The following CHLSN variants were observed in gnomAD, a reference collection of about 807,000 sequenced individuals.
The protein encoded by CHLSN is protein cholesin.
chr7:995,208 TAG>T, the CHLSN span, among the ~76,000 whole-genome samples: 18 of 152,084 alleles, frequency 1.2e-4, no homozygotes, highest in Admixed American at 1.2e-3. Context: ...CTGCACGGGG[TAG>T]GGAGACCCCA....
chr7:1,084,874 CA>C, the CHLSN span, among the ~76,000 whole-genome samples: 1 of 152,248 alleles, frequency 6.6e-6, no homozygotes, highest in Non-Finnish European at 1.5e-5. Context: ...CCTGCAGAAT[CA>C]GGGGGACCCA....
At chr7:1,064,013 C>G in the CHLSN span, among the ~76,000 whole-genome samples, 9 of 152,178 alleles carry the variant, frequency 5.9e-5, no homozygotes, top group Non-Finnish European at 1.2e-4. Flanking sequence ...TAGCCACACT[C>G]AAAACTGGCA....
At chr7:1,020,992 T>C in the CHLSN span, among the ~76,000 whole-genome samples, 3 of 132,192 alleles carry the variant, frequency 2.3e-5, no homozygotes, top group South Asian at 4.5e-4. Flanking sequence ...TTCAGGCAGG[T>C]ACCTCCAGGC....
chr7:988,538 T>C, the CHLSN span: 1 of 1,597,474 alleles, frequency 6.3e-7, no homozygotes, highest in African/African-American at 1.3e-5. Flanking sequence ...AAGGCGGCTG[T>C]GGTGGCTGCT....
the CHLSN span, chr7:1,091,343 C>G: frequency 5.4e-6 from 1 of 184,126 alleles, no homozygotes; most frequent in South Asian, 1.6e-4. Flanking sequence ...GCCAGGGGAG[C>G]CAGGCCTTGT....
chr7:988,148 C>T, the CHLSN span: 1 of 1,174,692 alleles, frequency 8.5e-7, no homozygotes, highest in Non-Finnish European at 1.2e-6. Context: ...GGTGCCTCAC[C>T]TGCAAGGTGG....
chr7:1,087,145 G>C, the CHLSN span: 1 of 152,264 alleles, frequency 6.6e-6, no homozygotes, highest in African/African-American at 2.4e-5. Flanking sequence ...AGTCCGGGGA[G>C]GGAGGTTTAT....
At chr7:1,000,353 C>T in the CHLSN span, 1 of 907,836 alleles carries the variant, frequency 1.1e-6, no homozygotes, top group South Asian at 1.7e-5. Context: ...CACCTCAGCC[C>T]CCGGGAGACG....
the CHLSN span, among the ~76,000 whole-genome samples, chr7:1,009,471 A>G: frequency 5.0e-4 from 76 of 151,776 alleles, no homozygotes; most frequent in African/African-American, 1.8e-3. Flanking sequence ...CGCAGGCACC[A>G]TCCACCCAGC....
the CHLSN span, among the ~76,000 whole-genome samples, chr7:996,008 A>G: frequency 7.2e-5 from 11 of 152,206 alleles, no homozygotes; most frequent in African/African-American, 2.4e-4. Flanking sequence ...GTCCACATAG[A>G]GATGGCCTGA....
chr7:1,081,761 G>A, the CHLSN span, among the ~76,000 whole-genome samples: 2 of 100,344 alleles, frequency 2.0e-5, no homozygotes, highest in Admixed American at 1.8e-4. Flanking sequence ...ACTGCAGCCT[G>A]GGGGAGGGAC....
chr7:994,733 C>G, the CHLSN span, among the ~76,000 whole-genome samples: 1 of 152,236 alleles, frequency 6.6e-6, no homozygotes, highest in Admixed American at 6.5e-5. Context: ...GCCGCCGCAC[C>G]CGGCATGAGT....
chr7:1,096,450 G>A, the CHLSN span, among the ~76,000 whole-genome samples: 10 of 152,342 alleles, frequency 6.6e-5, no homozygotes, highest in Non-Finnish European at 4.4e-5. The surrounding 1 kb of genome is among the most constrained non-coding windows in gnomAD (Gnocchi z 4.6). Context: ...CCAGAGCTGG[G>A]AGCTGTAGGA....
chr7:986,967 G>C, the CHLSN span: 1 of 1,337,574 alleles, frequency 7.5e-7, no homozygotes, highest in African/African-American at 1.5e-5. Flanking sequence ...GGCATCCATA[G>C]TGCCTGCCTC....
At chr7:1,066,807 G>T in the CHLSN span, among the ~76,000 whole-genome samples, 16 of 152,360 alleles carry the variant, frequency 1.1e-4, no homozygotes, top group Admixed American at 9.8e-4. Flanking sequence ...TCTTCACAAA[G>T]GCTGGAGTGC....
the CHLSN span, among the ~76,000 whole-genome samples, chr7:1,041,016 G>C: frequency 6.6e-6 from 1 of 152,224 alleles, no homozygotes. Context: ...GTATGCTGGA[G>C]ACCCATCCTG....
the CHLSN span, among the ~76,000 whole-genome samples, chr7:1,059,638 AGTGAGGCAGGTCTTAGGGG>A: frequency 2.2e-5 from 1 of 45,192 alleles, no homozygotes; most frequent in Non-Finnish European, 4.1e-5. Context: ...GGCGGGTCTT[AGTGAGGCAGGTCTTAGGGG>A]GGCGGGTCCA....
chr7:1,125,251 AC>A, the CHLSN span, among the ~76,000 whole-genome samples: 291 of 152,216 alleles, frequency 1.9e-3, 1 homozygote, highest in African/African-American at 6.4e-3. Flanking sequence ...CCCTCCAAGC[AC>A]TGGCTGTGCC....
the CHLSN span, among the ~76,000 whole-genome samples, chr7:1,112,255 G>C: frequency 6.6e-6 from 1 of 152,214 alleles, no homozygotes; most frequent in Non-Finnish European, 1.5e-5. Flanking sequence ...TGGCAGTGAG[G>C]AAGGCCGGCG....
Sources: gnomAD v4.1 joint callset for allele counts (sites outside exome capture counted in the v4.1 genomes callset) on GRCh38, gnomAD v4.1.1 for gene constraint, Gnocchi (gnomAD v3.1) non-coding constraint, MANE v1.5 for transcripts, NCBI Gene and HGNC (gene_info 2026-07-23, HGNC 2026-07-21) for gene names.